FUT8: variants seen among roughly 807,000 people sequenced by gnomAD.
The protein encoded by FUT8 is fucosyltransferase 8.
In FUT8, 29 loss-of-function variants were observed where a neutral mutation model predicts 71.3. That is an observed-to-expected ratio of 0.41 (90% CI 0.30 to 0.55). FUT8 has a LOEUF of 0.55. Ranked by LOEUF, FUT8 falls within the 20% of genes least tolerant of loss-of-function variation. The pLI is 0.34. For missense variants in FUT8, 544 were observed against 702.1 expected (o/e 0.77, Z 2.55); for synonymous variants, 254 against 239.3 (o/e 1.06, Z -0.57).
chr14:65,542,020 C>T (rs1884704647), intron 2 of FUT8, among the ~76,000 whole-genome samples: 1 of 152,154 alleles, frequency 6.6e-6, no homozygotes, highest in African/African-American at 2.4e-5. Context: ...TATTTAAATT[C>T]AGCGTACCTT....
chr14:65,629,440 C>A lies in FUT8; in HGVS notation c.483-52C>A, dbSNP rs1244189112. ...CATTCTTCTTAAGACTTTGTGTAAT[C>A]CAGTGAAGCAGTACAGACAAGTTCG... On this transcript the variant is annotated intron_variant, in intron 5 of 10. Transcript: ENST00000673929. The A allele has an allele frequency of 3.0e-5, 33 of 1,114,360 alleles. No individual in the cohort carries two copies. The Admixed American group carries it at 5.9e-4, about 20-fold the overall frequency. 69.0% of individuals were successfully genotyped at this position (1,114,360 alleles called of 1,614,324 possible).
chr14:65,641,500 T>C (rs1447127716), intron 6 of FUT8, among the ~76,000 whole-genome samples: 1 of 152,206 alleles, frequency 6.6e-6, no homozygotes, highest in Non-Finnish European at 1.5e-5. Context: ...TGTGGGCATA[T>C]ACTTCCATTT....
chr14:65,472,197 C>T lies in FUT8; in HGVS notation c.-228+16479C>T, dbSNP rs958011658. ...GGCCTTAGGCTACTTCCACTGATAG[C>T]AGAAGGCAAAGAGGTGCCAGCTTGT... On this transcript the variant is annotated intron_variant, in intron 2 of 10. Coordinates refer to ENST00000673929, the MANE Select transcript of FUT8 (RefSeq NM_001371533.1). The surrounding 1 kb of genome is among the most constrained non-coding windows in gnomAD (Gnocchi z 4.4). Among the ~76,000 whole-genome samples, 4 of 152,076 alleles carry T rather than the reference C, an allele frequency of 2.6e-5. No homozygotes were observed. Among genetic ancestry groups the T allele is most frequent in the Non-Finnish European group, 4.4e-5 (3 of 68,028 alleles).
In FUT8 at chr14:65,437,977, G is replaced by A. The variant is rs561622177; in HGVS notation, c.-325-17644G>A. ...GTGTTTTCTGTTTGTTGGACATGTTGGTTTCATACCTCTGTATAGTAAAGA... is the reference window on the plus strand; with the variant it reads ...GTGTTTTCTGTTTGTTGGACATGTTAGTTTCATACCTCTGTATAGTAAAGA... On this transcript the variant is annotated intron_variant, in intron 1 of 10. Transcript: ENST00000673929. Among the ~76,000 whole-genome samples the A allele has an allele frequency of 1.5e-4, 23 of 152,110 alleles. No homozygotes were observed. In the South Asian group the frequency reaches 4.8e-3, roughly 32 times the overall value.
chr14:65,429,830 C>G lies in FUT8; in HGVS notation c.-326+16616C>G, dbSNP rs554133920. Among the ~76,000 whole-genome samples the G allele has an allele frequency of 1.0e-3, 147 of 141,348 alleles. 1 individual carries two copies. Among genetic ancestry groups the G allele is most frequent in the Non-Finnish European group, 2.0e-3 (131 of 66,458 alleles). The allele number at this position is 141,348 out of a possible 152,430, so 92.7% of individuals were successfully genotyped here. ...GGTAAGCTGAGATTGTACCACTGCG[C>G]TCCAGCCTGGATAGTAGAGTGAGAC... On this transcript the variant is annotated intron_variant, in intron 1 of 10. Transcript: ENST00000673929.
chr14:65,618,808 C>T (rs1332810084), intron 5 of FUT8, among the ~76,000 whole-genome samples: 1 of 152,122 alleles, frequency 6.6e-6, no homozygotes, highest in Admixed American at 6.6e-5. Context: ...GTAGCTGGGA[C>T]CATGGTCAGT....
intron 10 of FUT8, among the ~76,000 whole-genome samples, chr14:65,734,345 G>A (rs922357280): frequency 1.1e-4 from 17 of 152,258 alleles, no homozygotes; most frequent in African/African-American, 3.9e-4. Flanking sequence ...AAAGGAAATG[G>A]AGACTTTCTT....
chr14:65,561,769 A>G lies in FUT8; in HGVS notation c.203+3A>G. 1 of 1,610,230 alleles carries G rather than the reference A, an allele frequency of 6.2e-7. No homozygotes were observed. The highest frequency in any genetic ancestry group is 1.3e-5 in the African/African-American group (1 of 74,912). ...AGGCGAATGGCCGAATCTCTCCGGT[A>G]GGTCCTAAAATACTGAATGAAGAAT... On this transcript the variant is annotated splice_donor_region_variant and intron_variant, in intron 3 of 10. Coordinates refer to ENST00000673929, the MANE Select transcript of FUT8 (RefSeq NM_001371533.1).
chr14:65,575,952 A>C (rs1156257354), intron 3 of FUT8, among the ~76,000 whole-genome samples: 1 of 152,234 alleles, frequency 6.6e-6, no homozygotes, highest in Non-Finnish European at 1.5e-5. Context: ...AGTTTTCAAA[A>C]TATAGATAAA....
chr14:65,605,157 G>A (rs1888514805), intron 3 of FUT8, among the ~76,000 whole-genome samples: 1 of 151,794 alleles, frequency 6.6e-6, no homozygotes, highest in African/African-American at 2.4e-5. Context: ...TCTCCTTGTG[G>A]ACATGTGCTA....
chr14:65,480,199 G>A (rs1250044367), intron 2 of FUT8, among the ~76,000 whole-genome samples: 1 of 150,750 alleles, frequency 6.6e-6, no homozygotes, highest in Non-Finnish European at 1.5e-5. Flanking sequence ...CTTATTGACT[G>A]ATTGCTTTTT....
chr14:65,442,342 A>G (rs2065673303), intron 1 of FUT8, among the ~76,000 whole-genome samples: 2 of 151,588 alleles, frequency 1.3e-5, no homozygotes, highest in African/African-American at 2.4e-5. Flanking sequence ...CACCCAGCCA[A>G]TTTTTGTATT....
rs984976247 is a variant in FUT8, at chr14:65,552,334, C to T, written c.-227-9003C>T. Among the ~76,000 whole-genome samples the T allele has an allele frequency of 4.6e-5, 7 of 152,100 alleles. No homozygotes were observed. The South Asian group carries it at 1.5e-3, about 32-fold the overall frequency. On this transcript the variant is annotated intron_variant, in intron 2 of 10. Transcript: ENST00000673929. The stretch of plus-strand genomic sequence containing the variant: ...CAGGGATTTGTGTCTGTCTTGTTCA[C>T]TGCTGCATCCTCAATGCCTGGGATA...
intron 1 of FUT8, among the ~76,000 whole-genome samples, chr14:65,429,580 C>T (rs1255183923): frequency 6.6e-6 from 1 of 152,076 alleles, no homozygotes; most frequent in Admixed American, 6.6e-5. Context: ...GACTTTAAAG[C>T]AGGCCAGGCA....
Position 65,474,121 on chromosome 14 carries a change from A to G in FUT8, c.-228+18403A>G, listed in dbSNP as rs532103072. Among the ~76,000 whole-genome samples the G allele has an allele frequency of 1.4e-4, 22 of 152,192 alleles. No individual in the cohort carries two copies. The South Asian group carries it at 4.4e-3, about 30-fold the overall frequency. On this transcript the variant is annotated intron_variant, in intron 2 of 10. Coordinates refer to ENST00000673929, the MANE Select transcript of FUT8 (RefSeq NM_001371533.1). ...ACGCAAAGGCATACAGAATAGTAAA[A>G]TAGACTTTGGAGACTGAGACGCGGG...
the FUT8 span, among the ~76,000 whole-genome samples, chr14:65,381,621 T>A: frequency 6.6e-6 from 1 of 152,182 alleles, no homozygotes; most frequent in Non-Finnish European, 1.5e-5. Context: ...TTCCATCTCA[T>A]AATGAAAATA....
At position 65,564,713 on chromosome 14, in the gene FUT8, G is replaced by C. The variant is rs542093097; in HGVS notation, c.203+2947G>C. ...GACCTCCTGTCCCTGGCACTTAACTGATCTGATTTCTGTCACACTTTTTTC... is the reference window on the plus strand; with the variant it reads ...GACCTCCTGTCCCTGGCACTTAACTCATCTGATTTCTGTCACACTTTTTTC... On this transcript the variant is annotated intron_variant, in intron 3 of 10. Transcript: ENST00000673929. Among the ~76,000 whole-genome samples the C allele has an allele frequency of 1.1e-4, 16 of 152,034 alleles. No individual in the cohort carries two copies. In the East Asian group the frequency reaches 3.1e-3, roughly 29 times the overall value.
At chr14:65,675,541 G>A (rs538437613) in intron 7 of FUT8, among the ~76,000 whole-genome samples, 1 of 152,244 alleles carries the variant, frequency 6.6e-6, no homozygotes, top group Non-Finnish European at 1.5e-5. Context: ...GCATTTTGGT[G>A]GAAAATTTTA....
Position 65,483,191 on chromosome 14 carries a change from A to G in FUT8, c.-228+27473A>G, listed in dbSNP as rs1473475757. 6.6e-6 allele frequency among the ~76,000 whole-genome samples: 1 copy of G among 152,196 alleles called. No homozygotes were observed. The highest frequency in any genetic ancestry group is 1.5e-5 in the Non-Finnish European group (1 of 68,034). ...GTTCTGCTGGTGCAGCACTACAGCA[A>G]CTTCCGTGCTATTCAGTGAGAGGAC... is the stretch of plus-strand genomic sequence containing the variant. On this transcript the variant is annotated intron_variant, in intron 2 of 10. Transcript: ENST00000673929. This position sits in a 1 kb window ranked among gnomAD's most constrained non-coding sequence, Gnocchi z 4.4.
Sources: allele counts gnomAD v4.1 joint callset (sites outside exome capture counted in the v4.1 genomes callset), GRCh38; gene constraint gnomAD v4.1.1; non-coding constraint Gnocchi (gnomAD v3.1); transcripts MANE v1.5; gene names NCBI Gene and HGNC (gene_info 2026-07-23, HGNC 2026-07-21).